The following PDE12 variants were observed in gnomAD, a reference collection of about 807,000 sequenced individuals.
The protein encoded by PDE12 is phosphodiesterase 12, also known as 2',5'-phosphodiesterase 12.
In PDE12, 26 loss-of-function variants were observed where a neutral mutation model predicts 45.4. The ratio of observed to expected loss-of-function variants is 0.57; its 90% CI spans 0.42 to 0.79. The LOEUF (loss-of-function observed/expected upper bound fraction) is 0.79, where lower values mean the gene tolerates loss of function less well. Among genes scored for constraint, PDE12 ranks in the 30% least tolerant of loss-of-function variants. The pLI is 0.00. For synonymous variants in PDE12, 283 were observed against 323.9 expected (o/e 0.87, Z 1.36); for missense variants, 668 against 790.0 (o/e 0.85, Z 1.85).
the PDE12 span, among the ~76,000 whole-genome samples, chr3:57,579,588 C>G: frequency 6.0e-4 from 91 of 152,106 alleles, no homozygotes; most frequent in South Asian, 1.5e-3. Context: ...GCGCCCAGCC[C>G]CATCCTACAT....
At chr3:57,641,768 CAAAAT>C in the PDE12 span, 19 of 1,578,546 alleles carry the variant, frequency 1.2e-5, no homozygotes, top group African/African-American at 2.7e-5. Flanking sequence ...CAAAACAAAA[CAAAAT>C]AAAAAAGGTG....
At position 57,556,788 on chromosome 3, in the gene PDE12, C is replaced by T; in HGVS notation, c.409C>T (p.Leu137Phe). The change falls in exon 1 of 3, where the codon CTC becomes TTC. Residue 137 changes from leucine to phenylalanine, a missense_variant. Physicochemically the swap from Leu to Phe is conservative, Grantham distance 22. This residue lies in a region of PDE12 where 580 missense variants were observed against 662.9 expected (regional missense o/e 0.87). Transcript: ENST00000311180. This position sits in a 1 kb window ranked among gnomAD's most constrained non-coding sequence, Gnocchi z 5.0. ...GGAAGAGGCAGTGGCTGAGGACGTG[C>T]TCAACGTGGATGCCTGGCAAGACGG... is the stretch of plus-strand genomic sequence containing the variant. ...YREEAVAEDV[L>F]NVDAWQDGAV... 6.2e-7 allele frequency: 1 copy of T among 1,611,968 alleles called. No homozygotes were observed. Among genetic ancestry groups the T allele is most frequent in the South Asian group, 1.1e-5 (1 of 91,008 alleles).
rs1479538381 is a variant in PDE12 at position 57,565,808 on chromosome 3, A to C, written c.*5804A>C. 1.3e-5 allele frequency: 2 copies of C among 152,212 alleles called. No individual in the cohort carries two copies. The allele number at this position is 152,212 out of a possible 1,614,324, so 9.4% of individuals were successfully genotyped here. A position where few individuals can be genotyped will look rare whatever the true frequency, so the allele number is the denominator to read the frequency against. On this transcript the variant is annotated 3_prime_UTR_variant, in exon 3 of 3. Transcript: ENST00000311180. Reference sequence around the variant, plus strand: ...CAAAGCGGGACTCTGTCTCAAAAATAAAATAAAATAAAATTTTAAAAAAAG... The same window carrying C: ...CAAAGCGGGACTCTGTCTCAAAAATCAAATAAAATAAAATTTTAAAAAAAG...
At chr3:57,618,942 A>G in the PDE12 span, among the ~76,000 whole-genome samples, 12 of 152,126 alleles carry the variant, frequency 7.9e-5, no homozygotes, top group Admixed American at 2.0e-4. Context: ...TGTTAAATGT[A>G]TATTAATATA....
At chr3:57,627,430 C>T in the PDE12 span, 1 of 152,080 alleles carries the variant, frequency 6.6e-6, no homozygotes, top group Non-Finnish European at 1.5e-5. Flanking sequence ...AGGCGTGAGC[C>T]ACCACACCCA....
At chr3:57,567,802 T>C (rs1575776468), downstream of PDE12, among the ~76,000 whole-genome samples, 2 of 152,116 alleles carry the variant, frequency 1.3e-5, no homozygotes, top group East Asian at 3.9e-4. Flanking sequence ...TTTCTCCCCA[T>C]TGAAAAGCAC....
chr3:57,609,452 G>GT, the PDE12 span, among the ~76,000 whole-genome samples: 3,717 of 152,122 alleles, frequency 0.024, 70 homozygotes, highest in Non-Finnish European at 0.035. Context: ...TCCAGGAGCT[G>GT]TTTTTTTGAA....
At chr3:57,617,578 T>C in the PDE12 span, among the ~76,000 whole-genome samples, 6 of 151,960 alleles carry the variant, frequency 3.9e-5, no homozygotes, top group African/African-American at 1.5e-4. Context: ...CAAGAGTGGA[T>C]AGGGCCAGGC....
chr3:57,628,217 T>C, the PDE12 span: 1 of 1,611,908 alleles, frequency 6.2e-7, no homozygotes, highest in South Asian at 1.1e-5. Context: ...GCAAATATCA[T>C]GTCATGCCCG....
the PDE12 span, among the ~76,000 whole-genome samples, chr3:57,639,023 A>G: frequency 3.5e-4 from 54 of 152,286 alleles, no homozygotes; most frequent in African/African-American, 1.3e-3. Flanking sequence ...ACTTGGGCCC[A>G]GGAGTTCAAG....
chr3:57,584,396 T>C, the PDE12 span: 1 of 1,611,146 alleles, frequency 6.2e-7, no homozygotes, highest in South Asian at 1.1e-5. Context: ...ATGGTAGGAA[T>C]GGTGGTGACT....
chr3:57,593,381 T>G, the PDE12 span, among the ~76,000 whole-genome samples: 1 of 152,130 alleles, frequency 6.6e-6, no homozygotes, highest in Non-Finnish European at 1.5e-5. Flanking sequence ...AATAGATGGA[T>G]TTACAAAATA....
At chr3:57,582,710 T>C in the PDE12 span, among the ~76,000 whole-genome samples, 5 of 144,244 alleles carry the variant, frequency 3.5e-5, no homozygotes, top group South Asian at 2.2e-4. Context: ...ACATTGCAAG[T>C]CTTAAAAATA....
the PDE12 span, among the ~76,000 whole-genome samples, chr3:57,590,089 C>CAATG: frequency 1.1e-3 from 154 of 135,206 alleles, 1 homozygote; most frequent in Non-Finnish European, 1.7e-3. Context: ...GACTCTGTCT[C>CAATG]AATAAATAAA....
chr3:57,646,188 T>C, the PDE12 span: 1 of 1,326,612 alleles, frequency 7.5e-7, no homozygotes, highest in South Asian at 1.6e-5. Context: ...ATAGGGTTTT[T>C]GCATGGATCA....
chr3:57,604,626 TGGG>T, the PDE12 span, among the ~76,000 whole-genome samples: 3 of 32,022 alleles, frequency 9.4e-5, 1 homozygote, highest in Non-Finnish European at 1.6e-4. Flanking sequence ...TTGGGGGGGG[TGGG>T]TGGGACAGAG....
chr3:57,584,524 T>G, the PDE12 span: 2 of 1,396,834 alleles, frequency 1.4e-6, no homozygotes, highest in Non-Finnish European at 2.0e-6. Context: ...AGAAATAATT[T>G]TACAATAAAT....
the PDE12 span, among the ~76,000 whole-genome samples, chr3:57,592,886 A>T: frequency 6.6e-6 from 1 of 152,190 alleles, no homozygotes; most frequent in Non-Finnish European, 1.5e-5. Flanking sequence ...CTACAATTTT[A>T]GAGGAACAAA....
chr3:57,604,954 G>C, the PDE12 span, among the ~76,000 whole-genome samples: 2 of 151,838 alleles, frequency 1.3e-5, no homozygotes, highest in Non-Finnish European at 2.9e-5. Flanking sequence ...TAAATTGCTG[G>C]GACTCTCACT....
Sources: allele counts gnomAD v4.1 joint callset (sites outside exome capture counted in the v4.1 genomes callset), GRCh38; gene constraint gnomAD v4.1.1; regional missense constraint gnomAD v4.1.1; non-coding constraint Gnocchi (gnomAD v3.1); transcripts MANE v1.5; gene names NCBI Gene and HGNC (gene_info 2026-07-23, HGNC 2026-07-21).